The following CSMD2 variants were observed in gnomAD, a reference collection of about 807,000 sequenced individuals.
CSMD2 encodes the protein CUB and sushi domain-containing protein 2.
Under a neutral mutation model 398.5 loss-of-function variants are expected in CSMD2, and 130 were observed. The ratio of observed to expected loss-of-function variants is 0.33; its 90% CI spans 0.28 to 0.38. The LOEUF (loss-of-function observed/expected upper bound fraction) is 0.38. Among genes scored for constraint, CSMD2 ranks in the 10% least tolerant of loss-of-function variants. The pLI, the probability that CSMD2 is intolerant of heterozygous loss-of-function variation, is 1.00. For synonymous variants in CSMD2, 1,828 were observed against 1,908.5 expected (o/e 0.96, Z 1.10); for missense variants, 3,829 against 4,764.9 (o/e 0.80, Z 5.78).
intron 10 of CSMD2, among the ~76,000 whole-genome samples, chr1:33,809,515 T>C (rs1656610818): frequency 6.6e-6 from 1 of 152,018 alleles, no homozygotes; most frequent in Non-Finnish European, 1.5e-5. Context: ...CCTAATTCTA[T>C]TATAAAAGGA....
rs1172316431 is a variant in CSMD2 at position 33,559,401 on chromosome 1, A to G, written c.8453T>C (p.Val2818Ala). 6.5e-7 allele frequency: 1 copy of G among 1,536,012 alleles called. No homozygotes were observed. Among genetic ancestry groups the G allele is most frequent in the Non-Finnish European group, 8.7e-7 (1 of 1,146,898 alleles). ...CCCAGGGTTGCAAACAAACTTGACCACATCGTTGAGGTTAAACTGGTTACC... is the reference window on the plus strand; with the variant it reads ...CCCAGGGTTGCAAACAAACTTGACCGCATCGTTGAGGTTAAACTGGTTACC... ...TQGNQFNLNDVVKFVCNPGYM... is the reference protein window; with the variant it reads ...TQGNQFNLNDAVKFVCNPGYM... The change falls in exon 54 of 71, where the codon GTG (valine) becomes GCG (alanine). Residue 2818 changes from valine to alanine, a missense_variant. By Grantham distance (64) the Val-to-Ala change is moderately conservative. Coordinates refer to ENST00000373381, the MANE Select transcript of CSMD2 (RefSeq NM_001281956.2). This position sits in a 1 kb window ranked among gnomAD's most constrained non-coding sequence, Gnocchi z 4.0.
rs758800381 is a variant in CSMD2, at chr1:33,569,333, G to A, written c.8131+41C>T. The A allele has an allele frequency of 5.1e-6, 8 of 1,575,406 alleles. No individual in the cohort carries two copies. In the Admixed American group the frequency reaches 7.3e-5, roughly 14 times the overall value. On this transcript the variant is annotated intron_variant, in intron 52 of 70. Coordinates refer to ENST00000373381, the MANE Select transcript of CSMD2 (RefSeq NM_001281956.2). ...TTTGGAAAGATCTAATCTATCTCAA[G>A]GAGAAAAACTGGGCAGGATAGGCCT...
At chr1:33,661,181 A>G (rs934081410) in intron 26 of CSMD2, among the ~76,000 whole-genome samples, 1 of 152,234 alleles carries the variant, frequency 6.6e-6, no homozygotes, top group Non-Finnish European at 1.5e-5. Flanking sequence ...ATTTGTCAGC[A>G]TAATTATGGG....
At chr1:33,829,847 G>A (rs926623206) in intron 6 of CSMD2, among the ~76,000 whole-genome samples, 16 of 149,486 alleles carry the variant, frequency 1.1e-4, no homozygotes, top group Non-Finnish European at 2.2e-4. Context: ...TGGCACACCA[G>A]GAGATTATAT....
chr1:33,643,839 C>T (rs1026610469), intron 29 of CSMD2, among the ~76,000 whole-genome samples: 3 of 151,178 alleles, frequency 2.0e-5, no homozygotes, highest in Non-Finnish European at 4.4e-5. Flanking sequence ...ACCAGAGGCC[C>T]AGGGAGATAG....
chr1:33,918,570 C>A (rs1176463173), intron 4 of CSMD2, among the ~76,000 whole-genome samples: 1 of 152,014 alleles, frequency 6.6e-6, no homozygotes, highest in African/African-American at 2.4e-5. Context: ...GAAGAAGGAA[C>A]CAAATGGTCA....
In CSMD2 at chr1:33,600,927, T is replaced by TCTCAA. The variant is rs1249170595; in HGVS notation, c.6793_6794insTTGAG (p.Gln2265LeufsTer20). ...ATCACGGTGGAACTTGAGCAGGACCTGGTTGGATGAACTCTGCACTGTTTT... is the reference window on the plus strand; with the variant it reads ...ATCACGGTGGAACTTGAGCAGGACCTCTCAAGGTTGGATGAACTCTGCACTGTTTT... On this transcript the variant is annotated frameshift_variant, in exon 44 of 71. Coordinates refer to ENST00000373381, the MANE Select transcript of CSMD2 (RefSeq NM_001281956.2). LOFTEE classifies it high-confidence loss of function. The TCTCAA allele has an allele frequency of 6.2e-7, 1 of 1,613,998 alleles. No individual in the cohort carries two copies. The highest frequency in any genetic ancestry group is 8.5e-7 in the Non-Finnish European group (1 of 1,180,034).
intron 1 of CSMD2, among the ~76,000 whole-genome samples, chr1:34,143,083 C>G (rs1328979660): frequency 6.6e-6 from 1 of 152,154 alleles, no homozygotes; most frequent in Non-Finnish European, 1.5e-5. Context: ...CACCAAATCT[C>G]AGACTATGTC....
At chr1:33,946,942 A>T (rs191909424) in intron 3 of CSMD2, among the ~76,000 whole-genome samples, 87 of 152,172 alleles carry the variant, frequency 5.7e-4, no homozygotes, top group African/African-American at 2.0e-3. Flanking sequence ...GCCACCTGAC[A>T]ATTTTTATAG....
At chr1:33,684,247 G>A (rs573714009) in intron 25 of CSMD2, among the ~76,000 whole-genome samples, 1 of 152,346 alleles carries the variant, frequency 6.6e-6, no homozygotes, top group African/African-American at 2.4e-5. Flanking sequence ...GCTGCATGGT[G>A]ACCAAAATCC....
intron 25 of CSMD2, among the ~76,000 whole-genome samples, chr1:33,675,980 T>A (rs1054452908): frequency 5.3e-5 from 8 of 152,230 alleles, no homozygotes; most frequent in Admixed American, 1.3e-4. Context: ...GAGCTATTTA[T>A]GACAAACCCA....
At chr1:33,764,743 C>T (rs966200744) in intron 13 of CSMD2, among the ~76,000 whole-genome samples, 22 of 152,246 alleles carry the variant, frequency 1.4e-4, no homozygotes, top group African/African-American at 2.2e-4. Flanking sequence ...CTGATCCCAA[C>T]TCTGGCTCTG....
intron 12 of CSMD2, among the ~76,000 whole-genome samples, chr1:33,779,405 G>C (rs961208380): frequency 7.2e-5 from 11 of 152,182 alleles, no homozygotes; most frequent in African/African-American, 2.7e-4. Flanking sequence ...CTGTAAAATG[G>C]AAATGGTAAT....
chr1:34,089,268 T>G, intron 1 of CSMD2, 75 bp from the exon 2 acceptor site: 1 of 1,383,908 alleles, frequency 7.2e-7, no homozygotes, highest in Non-Finnish European at 1.0e-6. Context: ...AGGAGCAATG[T>G]GTTAGCAAAT....
At chr1:33,947,111 AAG>A (rs956322025) in intron 3 of CSMD2, among the ~76,000 whole-genome samples, 44 of 152,198 alleles carry the variant, frequency 2.9e-4, no homozygotes, top group African/African-American at 9.6e-4. Context: ...AAGGAGCTCA[AAG>A]AGGAGGAGGC....
intron 2 of CSMD2, among the ~76,000 whole-genome samples, chr1:34,081,192 A>G (rs984466765): frequency 6.6e-6 from 1 of 151,608 alleles, no homozygotes; most frequent in African/African-American, 2.4e-5. Context: ...CAAGAACATT[A>G]AAAAAAAATT....
At chr1:33,709,570 G>A (rs1461615168) in intron 21 of CSMD2, 11 of 450,478 alleles carry the variant, frequency 2.4e-5, no homozygotes, top group East Asian at 6.6e-5. Flanking sequence ...TAAAGCAGCC[G>A]TGCCACATAC....
rs575052444 is a variant in CSMD2 at position 34,043,878 on chromosome 1, C to T, written c.405-11172G>A. On this transcript the variant is annotated intron_variant, in intron 2 of 70. Transcript: ENST00000373381. ...ATCATCTCTGTGGGAAAACCCTGGG[C>T]AATGAGTCTCTGCTGAGCTTTCCTG... Among the ~76,000 whole-genome samples, 6 of 152,278 alleles carry T rather than the reference C, an allele frequency of 3.9e-5. No homozygotes were observed. The East Asian group carries it at 1.2e-3, about 29-fold the overall frequency.
At chr1:34,025,973 A>T (rs1362346941) in intron 3 of CSMD2, among the ~76,000 whole-genome samples, 1 of 152,192 alleles carries the variant, frequency 6.6e-6, no homozygotes, top group Non-Finnish European at 1.5e-5. Context: ...AAGTTGACAT[A>T]TTCCTTCCAT....
Sources: allele counts gnomAD v4.1 joint callset (sites outside exome capture counted in the v4.1 genomes callset), GRCh38; gene constraint gnomAD v4.1.1; non-coding constraint Gnocchi (gnomAD v3.1); transcripts MANE v1.5; gene names NCBI Gene and HGNC (gene_info 2026-07-23, HGNC 2026-07-21).